The following CDKL3 variants were observed in gnomAD, a reference collection of about 807,000 sequenced individuals.
CDKL3 encodes the protein cyclin-dependent kinase-like 3.
In CDKL3, 65 loss-of-function variants were observed where a neutral mutation model predicts 69.3. The observed-to-expected ratio is 0.94, with a 90% CI of 0.77 to 1.15. The LOEUF is 1.15. Among genes scored for constraint, CDKL3 ranks in the 50% most tolerant of loss-of-function variants. CDKL3 has a pLI of 0.00. For synonymous variants in CDKL3, 202 were observed against 221.6 expected (o/e 0.91, Z 0.79); for missense variants, 652 against 689.2 (o/e 0.95, Z 0.61).
At position 134,346,206 on chromosome 5, in the gene CDKL3, A is replaced by G. The variant is rs929450659; in HGVS notation, c.539+4043T>C. 3.3e-5 allele frequency among the ~76,000 whole-genome samples: 5 copies of G among 152,338 alleles called. No homozygotes were observed. In the South Asian group the frequency reaches 6.2e-4, roughly 19 times the overall value. On this transcript the variant is annotated intron_variant, in intron 4 of 12. Coordinates refer to ENST00000265334, the MANE Select transcript of CDKL3 (RefSeq NM_001113575.2). Reference sequence around the variant, plus strand: ...GAGGTCCTGCCCATACCTGGAAGGAAGGAATGCAAAACAGAGAGGCCAGGA... The same window carrying G: ...GAGGTCCTGCCCATACCTGGAAGGAGGGAATGCAAAACAGAGAGGCCAGGA...
At position 134,333,714 on chromosome 5, in the gene CDKL3, C is replaced by T. The variant is rs577300540; in HGVS notation, c.540-11811G>A. ...TTGATGTGCTGCTGGATTTGGTTTG[C>T]CAGTATTTTATTGAGGATTTTTGCA... On this transcript the variant is annotated intron_variant, in intron 4 of 12. Transcript: ENST00000265334. Among the ~76,000 whole-genome samples the T allele has an allele frequency of 2.6e-5, 4 of 152,254 alleles. No individual in the cohort carries two copies. In the East Asian group the frequency reaches 7.7e-4, roughly 29 times the overall value.
chr5:134,348,637 T>G (rs934533102), intron 4 of CDKL3, among the ~76,000 whole-genome samples: 1 of 151,952 alleles, frequency 6.6e-6, no homozygotes, highest in African/African-American at 2.4e-5. Flanking sequence ...GACACAAAAT[T>G]TACAGATAAT....
intron 4 of CDKL3, among the ~76,000 whole-genome samples, chr5:134,347,319 A>G (rs1191027053): frequency 6.6e-6 from 1 of 152,160 alleles, no homozygotes; most frequent in African/African-American, 2.4e-5. Context: ...AATGGTACAA[A>G]CACTTTGGAA....
chr5:134,326,823 A>ATATATATGTGTGTGTGTG (rs1468227658), intron 4 of CDKL3, among the ~76,000 whole-genome samples: 1 of 105,062 alleles, frequency 9.5e-6, no homozygotes, highest in African/African-American at 5.5e-5. Flanking sequence ...GTGTGTATAT[A>ATATATATGTGTGTGTGTG]TATATATATA....
chr5:134,290,896 C>G (rs1561483563), intron 8 of CDKL3, among the ~76,000 whole-genome samples: 1 of 151,888 alleles, frequency 6.6e-6, no homozygotes, highest in African/African-American at 2.4e-5. Flanking sequence ...AACTGAAGAA[C>G]AAGAAACTGA....
chr5:134,363,874 C>T (rs1455473407), intron 2 of CDKL3, among the ~76,000 whole-genome samples: 1 of 150,646 alleles, frequency 6.6e-6, no homozygotes, highest in Non-Finnish European at 1.5e-5. Flanking sequence ...AGGAAGATCG[C>T]TTAAGCCCAG....
intron 3 of CDKL3, among the ~76,000 whole-genome samples, chr5:134,353,734 A>G (rs374945214): frequency 7.9e-5 from 12 of 151,964 alleles, no homozygotes; most frequent in African/African-American, 2.9e-4. Context: ...TAATTTTTGT[A>G]TTTTTAGTAG....
chr5:134,347,425 T>C lies in CDKL3; in HGVS notation c.539+2824A>G, dbSNP rs542606060. ...TATACCCAAAAGAAATGAAAACATA[T>C]GTCCATACAAAAACAAGTTACACGG... On this transcript the variant is annotated intron_variant, in intron 4 of 12. Transcript: ENST00000265334. Among the ~76,000 whole-genome samples, 84 of 152,178 alleles carry C rather than the reference T, an allele frequency of 5.5e-4. 3 individuals carry two copies. Among genetic ancestry groups the C allele is most frequent in the Admixed American group, 3.9e-3 (59 of 15,280 alleles).
rs1225832914 is a variant in CDKL3, at chr5:134,366,406, C to G, written c.118G>C (p.Glu40Gln). ...ATCGCAATTTTGTTGACAGATTGTTCTGGTCTCTCATAAAATATCTTAATG... is the reference window on the plus strand; with the variant it reads ...ATCGCAATTTTGTTGACAGATTGTTGTGGTCTCTCATAAAATATCTTAATG... ...VAIKIFYERP[E>Q]QSVNKIAMRE... Residue 40 changes from glutamate to glutamine, a missense_variant, in exon 2 of 13, where the codon GAA (glutamate) becomes CAA (glutamine). Coordinates refer to ENST00000265334, the MANE Select transcript of CDKL3 (RefSeq NM_001113575.2). 6.3e-7 allele frequency: 1 copy of G among 1,598,356 alleles called. No individual in the cohort carries two copies. The highest frequency in any genetic ancestry group is 1.7e-5 in the Admixed American group (1 of 57,160).
At chr5:134,335,800 T>C (rs1776955677) in intron 4 of CDKL3, among the ~76,000 whole-genome samples, 2 of 152,166 alleles carry the variant, frequency 1.3e-5, no homozygotes, top group African/African-American at 4.8e-5. Flanking sequence ...ATTATGTGTC[T>C]TGGGGTTGCT....
At chr5:134,301,888 AAAACAAAC>A (rs113592653) in intron 12 of CDKL3, among the ~76,000 whole-genome samples, 25 of 151,560 alleles carry the variant, frequency 1.6e-4, no homozygotes, top group East Asian at 5.8e-4. Flanking sequence ...CTCCGTCTCA[AAAACAAAC>A]AAACAAACAA....
At chr5:134,324,308 G>A (rs962281013) in intron 4 of CDKL3, among the ~76,000 whole-genome samples, 15 of 152,192 alleles carry the variant, frequency 9.9e-5, no homozygotes, top group Admixed American at 9.8e-4. Flanking sequence ...GCTAAACATA[G>A]TCTTACCATA....
chr5:134,320,896 A>G (rs958114544), intron 5 of CDKL3, among the ~76,000 whole-genome samples: 6 of 151,976 alleles, frequency 3.9e-5, no homozygotes, highest in Admixed American at 3.9e-4. Flanking sequence ...ATTAAATTTA[A>G]AATTTAAAAA....
downstream of CDKL3, among the ~76,000 whole-genome samples, chr5:134,297,887 AGTTT>A (rs1438050696): frequency 5.0e-4 from 61 of 121,480 alleles, no homozygotes; most frequent in South Asian, 0.012. Context: ...AACCATGAAT[AGTTT>A]GTGTGTGTGT....
upstream of CDKL3, among the ~76,000 whole-genome samples, chr5:134,369,169 C>T (rs1417457730): frequency 6.6e-6 from 1 of 152,198 alleles, no homozygotes; most frequent in Non-Finnish European, 1.5e-5. Context: ...TAGGTTATGG[C>T]AGGCCTGGTT....
At position 134,350,298 on chromosome 5, in the gene CDKL3, G is replaced by A; in HGVS notation, c.490C>T (p.Arg164Cys). Residue 164 changes from arginine (R) to cysteine (C), a missense_variant, in exon 4 of 13, where the codon CGC becomes TGC. Transcript: ENST00000265334. ...ACTAATTCGGGAGCTCTATACCAGCGTGTGGCCACATAGTCCGTATAAATG... is the reference window on the plus strand; with the variant it reads ...ACTAATTCGGGAGCTCTATACCAGCATGTGGCCACATAGTCCGTATAAATG... ...GDIYTDYVAT[R>C]WYRAPELVLK... 1.9e-6 allele frequency: 3 copies of A among 1,592,982 alleles called. No individual in the cohort carries two copies. The highest frequency in any genetic ancestry group is 4.5e-5 in the East Asian group (2 of 44,328).
At chr5:134,332,339 T>C (rs1041823394) in intron 4 of CDKL3, among the ~76,000 whole-genome samples, 3 of 152,224 alleles carry the variant, frequency 2.0e-5, no homozygotes, top group Non-Finnish European at 4.4e-5. Context: ...TGCCATTGCT[T>C]TTGGTGTTTT....
chr5:134,321,828 A>T lies in CDKL3; in HGVS notation c.615T>A (p.Ser205=), dbSNP rs774446141. Residue 205 remains serine (S), a synonymous_variant, in exon 5 of 13, where the codon TCT becomes TCA. Coordinates refer to ENST00000265334, the MANE Select transcript of CDKL3 (RefSeq NM_001113575.2). ...ATGNPYLPSS[S]DLDLLHKIVL... ...CAATTTTATGGAGTAAATCCAAATCAGAACTACTAGGAAGATAGGGATTTC... is the reference window on the plus strand; with the variant it reads ...CAATTTTATGGAGTAAATCCAAATCTGAACTACTAGGAAGATAGGGATTTC... The T allele has an allele frequency of 6.2e-7, 1 of 1,611,546 alleles. No individual in the cohort carries two copies.
intron 2 of CDKL3, among the ~76,000 whole-genome samples, chr5:134,362,950 A>G (rs1581252525): frequency 6.6e-6 from 1 of 152,264 alleles, no homozygotes; most frequent in African/African-American, 2.4e-5. Flanking sequence ...CAACAACAAT[A>G]ACAAAAAGCC....
Sources: gnomAD v4.1 joint callset for allele counts (sites outside exome capture counted in the v4.1 genomes callset) on GRCh38, gnomAD v4.1.1 for gene constraint, MANE v1.5 for transcripts, NCBI Gene and HGNC (gene_info 2026-07-23, HGNC 2026-07-21) for gene names.